Variants in PRSS27 observed in about 807,000 individuals in gnomAD.
PRSS27 encodes the protein channel-activating protease 2.
A neutral mutation model predicts 32.0 loss-of-function variants in PRSS27; 25 were observed. The observed-to-expected ratio is 0.78, with a 90% CI of 0.57 to 1.09. The LOEUF (loss-of-function observed/expected upper bound fraction) is 1.09. Ranked by LOEUF, PRSS27 falls within the 50% of genes least tolerant of loss-of-function variation. PRSS27 has a pLI of 0.00. For missense variants in PRSS27, 401 were observed against 394.9 expected (o/e 1.02, Z -0.13); for synonymous variants, 178 against 172.2 (o/e 1.03, Z -0.26).
At chr16:2,716,368 C>G in intron 2 of PRSS27, 132 bp downstream of exon 2, 1 of 850,118 alleles carries the variant, frequency 1.2e-6, no homozygotes. Context: ...TCCAGTTCCA[C>G]ACAGCCCCCA....
rs767586046 is a variant in PRSS27 at position 2,720,099 on chromosome 16, C to A, written c.46+16G>T. 12 of 1,596,252 alleles carry A rather than the reference C, an allele frequency of 7.5e-6. No homozygotes were observed. The highest frequency in any genetic ancestry group is 1.3e-5 in the African/African-American group (1 of 74,636). On this transcript the variant is annotated intron_variant, in intron 1 of 5. Transcript: ENST00000302641. ...GGGGGACTGCACCACCAGGACCCTG[C>A]ACCTTCACGACTCACCAAAACACAG...
Position 2,714,602 on chromosome 16 carries a change from T to C in PRSS27, c.237-266A>G. 1.9e-6 allele frequency: 1 copy of C among 529,500 alleles called. No individual in the cohort carries two copies. Among genetic ancestry groups the C allele is most frequent in the South Asian group, 2.0e-5 (1 of 49,026 alleles). 32.8% of individuals were successfully genotyped at this position (529,500 alleles called of 1,614,324 possible). A position where few individuals can be genotyped will look rare whatever the true frequency, so the allele number is the denominator to read the frequency against. On this transcript the variant is annotated intron_variant, in intron 3 of 5. Coordinates refer to ENST00000302641, the MANE Select transcript of PRSS27 (RefSeq NM_031948.5). The surrounding 1 kb of genome is among the most constrained non-coding windows in gnomAD (Gnocchi z 4.7). ...ACAAGTTCTCTGTGATGCAGCTTTC[T>C]CACCTGTGCTGTGGGGACAGTCACA...
At chr16:2,713,315 G>A (rs754778968) in intron 5 of PRSS27, 137 of 590,784 alleles carry the variant, frequency 2.3e-4, no homozygotes, top group Non-Finnish European at 3.6e-4. Context: ...AGCCAGGATG[G>A]TCTCCATCTC....
rs2067689520 is a variant in PRSS27 at position 2,714,584 on chromosome 16, C to T, written c.237-248G>A. The T allele has an allele frequency of 1.8e-6, 1 of 564,914 alleles. No individual in the cohort carries two copies. The highest frequency in any genetic ancestry group is 1.9e-5 in the African/African-American group (1 of 53,130). The allele number at this position is 564,914 out of a possible 1,614,324, so 35.0% of individuals were successfully genotyped here. ...CCTTGGGCAAGTCACTTAACAAGTT[C>T]TCTGTGATGCAGCTTTCTCACCTGT... On this transcript the variant is annotated intron_variant, in intron 3 of 5. Coordinates refer to ENST00000302641, the MANE Select transcript of PRSS27 (RefSeq NM_031948.5). The surrounding 1 kb of genome is among the most constrained non-coding windows in gnomAD (Gnocchi z 4.7).
intron 4 of PRSS27, 150 bp from the exon 5 acceptor site, chr16:2,713,848 T>C: frequency 9.8e-7 from 1 of 1,024,124 alleles, no homozygotes; most frequent in East Asian, 2.6e-5. Context: ...CCTCCCTCCT[T>C]CCAGGCAGCA....
Position 2,714,196 on chromosome 16 carries a change from G to GC in PRSS27, c.376dup (p.Ala126GlyfsTer22), listed in dbSNP as rs1246565898. The GC allele has an allele frequency of 1.2e-6, 2 of 1,614,028 alleles. No individual in the cohort carries two copies. The highest frequency in any genetic ancestry group is 3.3e-5 in the Admixed American group (2 of 60,026). On this transcript the variant is annotated frameshift_variant, in exon 4 of 6. Coordinates refer to ENST00000302641, the MANE Select transcript of PRSS27 (RefSeq NM_031948.5). LOFTEE classifies it high-confidence loss of function. This position sits in a 1 kb window ranked among gnomAD's most constrained non-coding sequence, Gnocchi z 4.7. ...CACTGGTGCCTCCAGCTCCACCAGGGCCACGTCAGCGCTGGAGGCCGTGCC... is the reference window on the plus strand; with the variant it reads ...CACTGGTGCCTCCAGCTCCACCAGGGCCCACGTCAGCGCTGGAGGCCGTGCC...
rs953045493 is a variant in PRSS27, at chr16:2,717,620, G to C, written c.47-1094C>G. ...TAACCCCCAGTGCCTTCCGGTGCCC[G>C]GGCCAGCTGCTATGGACCATGTCTT... On this transcript the variant is annotated intron_variant, in intron 1 of 5. Transcript: ENST00000302641. This position sits in a 1 kb window ranked among gnomAD's most constrained non-coding sequence, Gnocchi z 4.1. 1 of 152,442 alleles carries C rather than the reference G, an allele frequency of 6.6e-6. No homozygotes were observed. Among genetic ancestry groups the C allele is most frequent in the Non-Finnish European group, 1.5e-5 (1 of 68,268 alleles). 9.4% of individuals were successfully genotyped at this position (152,442 alleles called of 1,614,324 possible).
chr16:2,712,789 C>T lies in PRSS27; in HGVS notation c.704G>A (p.Cys235Tyr). 1.3e-6 allele frequency: 2 copies of T among 1,582,390 alleles called. No homozygotes were observed. Among genetic ancestry groups the T allele is most frequent in the Non-Finnish European group, 1.7e-6 (2 of 1,161,822 alleles). ...CKGDSGGPLV[C>Y]LVGQSWLQAG... The stretch of plus-strand genomic sequence containing the variant: ...CTGCAGCCACGACTGACCCACGAGG[C>T]ACACCAGGGGGCCGCCCGAGTCGCC... Residue 235 changes from cysteine (C) to tyrosine (Y), a missense_variant, in exon 6 of 6, where the codon TGC (cysteine) becomes TAC (tyrosine). By Grantham distance (194) the Cys-to-Tyr change is radical. Coordinates refer to ENST00000302641, the MANE Select transcript of PRSS27 (RefSeq NM_031948.5). This position sits in a 1 kb window ranked among gnomAD's most constrained non-coding sequence, Gnocchi z 4.6.
intron 5 of PRSS27, chr16:2,713,041 C>T (rs2067673403): frequency 1.3e-5 from 7 of 547,082 alleles, no homozygotes; most frequent in Non-Finnish European, 2.2e-5. Flanking sequence ...GTTTCTTGTG[C>T]CCCACCCCAG....
At chr16:2,718,520 T>C (rs575202829) in intron 1 of PRSS27, 1 of 152,168 alleles carries the variant, frequency 6.6e-6, no homozygotes, top group African/African-American at 2.4e-5. Context: ...GGTTTCACCA[T>C]GTTTGCCAGG....
chr16:2,719,625 C>T (rs2067722673), intron 1 of PRSS27, among the ~76,000 whole-genome samples: 2 of 152,166 alleles, frequency 1.3e-5, no homozygotes, highest in Non-Finnish European at 2.9e-5. Context: ...CCCCTGCCCC[C>T]AGCTCTCTAC....
rs1188113744 is a variant in PRSS27, at chr16:2,712,428, A to T, written c.*192T>A. On this transcript the variant is annotated 3_prime_UTR_variant, in exon 6 of 6. Transcript: ENST00000302641. The surrounding 1 kb of genome is among the most constrained non-coding windows in gnomAD (Gnocchi z 4.6). ...GGATCCCCACGTGGGCAGCTGGCACACAGGCTGGGTTTTTATTGGGAGAAA... is the reference window on the plus strand; with the variant it reads ...GGATCCCCACGTGGGCAGCTGGCACTCAGGCTGGGTTTTTATTGGGAGAAA... The T allele has an allele frequency of 1.7e-6, 1 of 578,142 alleles. No homozygotes were observed. The allele number at this position is 578,142 out of a possible 1,614,324, so 35.8% of individuals were successfully genotyped here.
Position 2,715,761 on chromosome 16 carries a change from T to A in PRSS27, c.193A>T (p.Ile65Phe). ...GCCGTCAGGACCCACTGCTCCGCGATGAGGCTGCCCCCGCAGAAGTGGCTT... is the reference window on the plus strand; with the variant it reads ...GCCGTCAGGACCCACTGCTCCGCGAAGAGGCTGCCCCCGCAGAAGTGGCTT... ...NGSHFCGGSLIAEQWVLTAAH... is the reference protein window; with the variant it reads ...NGSHFCGGSLFAEQWVLTAAH... Residue 65 changes from isoleucine to phenylalanine, a missense_variant, in exon 3 of 6, where the codon ATC becomes TTC. Ile to Phe is a conservative substitution (Grantham distance 21). Coordinates refer to ENST00000302641, the MANE Select transcript of PRSS27 (RefSeq NM_031948.5). 2 of 1,586,314 alleles carry A rather than the reference T, an allele frequency of 1.3e-6. No individual in the cohort carries two copies. Among genetic ancestry groups the A allele is most frequent in the South Asian group, 1.1e-5 (1 of 87,494 alleles).
chr16:2,715,484 G>A (rs1274910967), intron 3 of PRSS27: 3 of 499,780 alleles, frequency 6.0e-6, no homozygotes, highest in African/African-American at 4.1e-5. Context: ...AGGGGATGGA[G>A]GGGGTCGGGG....
chr16:2,713,750 C>A (rs1205539904), intron 4 of PRSS27, 52 bp from the exon 5 acceptor site: 1 of 1,588,064 alleles, frequency 6.3e-7, no homozygotes, highest in African/African-American at 1.3e-5. Flanking sequence ...CATCAAGAAC[C>A]CACGGCCCCG....
At chr16:2,718,871 GT>G (rs2067718285) in intron 1 of PRSS27, among the ~76,000 whole-genome samples, 1 of 152,148 alleles carries the variant, frequency 6.6e-6, no homozygotes, top group South Asian at 2.1e-4. Context: ...AAGTGTGGCT[GT>G]GGGGGCTGAT....
At chr16:2,716,684 TC>T (rs796782334) in intron 1 of PRSS27, 158 bp from the exon 2 acceptor site, 34 of 698,610 alleles carry the variant, frequency 4.9e-5, no homozygotes, top group African/African-American at 2.8e-4. Flanking sequence ...GCCTGCAGTT[TC>T]CCCCCCAGGG....
intron 4 of PRSS27, 138 bp downstream of exon 4, chr16:2,713,927 G>A (rs927889883): frequency 7.2e-5 from 79 of 1,093,626 alleles, no homozygotes; most frequent in Admixed American, 2.4e-4. Context: ...TGCTCCCCTC[G>A]GCCCCACCTG....
chr16:2,718,993 C>T (rs1325049445), intron 1 of PRSS27, among the ~76,000 whole-genome samples: 1 of 152,078 alleles, frequency 6.6e-6, no homozygotes, highest in Non-Finnish European at 1.5e-5. Context: ...GGGGCCTGGG[C>T]CTGTGATTCG....
Sources: gnomAD v4.1 joint callset for allele counts (sites outside exome capture counted in the v4.1 genomes callset) on GRCh38, gnomAD v4.1.1 for gene constraint, Gnocchi (gnomAD v3.1) non-coding constraint, MANE v1.5 for transcripts, NCBI Gene and HGNC (gene_info 2026-07-23, HGNC 2026-07-21) for gene names.